PDE4D: variants seen among roughly 807,000 people sequenced by gnomAD.
PDE4D encodes 3',5'-cyclic-AMP phosphodiesterase 4D.
A neutral mutation model predicts 87.4 loss-of-function variants in PDE4D; 24 were observed. That is an observed-to-expected ratio of 0.27 (90% CI 0.20 to 0.39). The LOEUF (loss-of-function observed/expected upper bound fraction) is 0.39. PDE4D is among the 10% of genes least tolerant of loss of function. PDE4D has a pLI of 1.00. For missense variants in PDE4D, 714 were observed against 1,041.0 expected (o/e 0.69, Z 4.32); for synonymous variants, 384 against 383.2 (o/e 1.00, Z -0.02).
In PDE4D at chr5:59,969,317, T is replaced by C. The variant is rs375702483; in HGVS notation, c.272+19171A>G. ...TTACAAAGGAAGACTATCTGAAGAATAGATATTTTATTAGGAGGAAAGATG... is the reference window on the plus strand; with the variant it reads ...TTACAAAGGAAGACTATCTGAAGAACAGATATTTTATTAGGAGGAAAGATG... On this transcript the variant is annotated intron_variant, in intron 3 of 16. Coordinates refer to the PDE4D transcript ENST00000502484. Among the ~76,000 whole-genome samples, 13 of 152,256 alleles carry C rather than the reference T, an allele frequency of 8.5e-5. No homozygotes were observed. In the South Asian group the frequency reaches 1.0e-3, roughly 12 times the overall value.
intron 5 of PDE4D, among the ~76,000 whole-genome samples, chr5:59,101,730 A>G (rs2153433831): frequency 6.6e-6 from 1 of 151,432 alleles, no homozygotes; most frequent in Non-Finnish European, 1.5e-5. Flanking sequence ...TTTTAAGTGC[A>G]TAGCCCTACC....
chr5:59,121,446 T>C (rs1774486107), intron 5 of PDE4D, among the ~76,000 whole-genome samples: 1 of 151,744 alleles, frequency 6.6e-6, no homozygotes, highest in Non-Finnish European at 1.5e-5. Flanking sequence ...TATGAAAAAA[T>C]GCTCAACATC....
At chr5:59,579,592 C>T (rs1289707386) in intron 1 of PDE4D, among the ~76,000 whole-genome samples, 1 of 152,198 alleles carries the variant, frequency 6.6e-6, no homozygotes, top group Non-Finnish European at 1.5e-5. Flanking sequence ...ACCATTTCAT[C>T]TGTCACAAAG....
chr5:59,462,251 T>C (rs1333045888), intron 1 of PDE4D, among the ~76,000 whole-genome samples: 3 of 152,130 alleles, frequency 2.0e-5, no homozygotes, highest in Non-Finnish European at 4.4e-5. Flanking sequence ...CATTATCTTA[T>C]TATATCATCC....
intron 1 of PDE4D, among the ~76,000 whole-genome samples, chr5:59,863,030 A>G (rs1370593760): frequency 6.6e-6 from 1 of 152,242 alleles, no homozygotes; most frequent in African/African-American, 2.4e-5. Context: ...GTAAACTCTT[A>G]TCGTGTTCTT....
At chr5:60,017,692 A>C (rs1257426073) in intron 2 of PDE4D, among the ~76,000 whole-genome samples, 1 of 152,168 alleles carries the variant, frequency 6.6e-6, no homozygotes. Flanking sequence ...TATGCAGTCT[A>C]TCATTGGTGG....
intron 1 of PDE4D, among the ~76,000 whole-genome samples, chr5:59,648,910 G>A (rs1452951380): frequency 1.3e-5 from 2 of 152,162 alleles, no homozygotes; most frequent in African/African-American, 4.8e-5. Flanking sequence ...TAGGCAACAA[G>A]GAAAGAGCTT....
At chr5:60,422,509 C>A (rs1257898152) in intron 1 of PDE4D, among the ~76,000 whole-genome samples, 1 of 152,158 alleles carries the variant, frequency 6.6e-6, no homozygotes, top group Non-Finnish European at 1.5e-5. Flanking sequence ...GATTTTGTCA[C>A]CACAAGGCCT....
chr5:59,731,038 A>G (rs189264691), intron 1 of PDE4D, among the ~76,000 whole-genome samples: 1 of 152,190 alleles, frequency 6.6e-6, no homozygotes, highest in East Asian at 1.9e-4. Context: ...GACACTGCTG[A>G]TTGTATATAC....
intron 5 of PDE4D, among the ~76,000 whole-genome samples, chr5:59,048,307 G>A (rs1392175440): frequency 6.6e-6 from 1 of 152,136 alleles, no homozygotes; most frequent in Admixed American, 6.5e-5. Flanking sequence ...TTTCCCTGGG[G>A]GGACTGTAGG....
At chr5:60,030,388 T>G (rs1293336668) in intron 2 of PDE4D, among the ~76,000 whole-genome samples, 2 of 152,106 alleles carry the variant, frequency 1.3e-5, no homozygotes, top group African/African-American at 4.8e-5. Context: ...AAGCGGAGCT[T>G]GCAGTGAGCC....
At chr5:60,409,764 G>A (rs1212318222) in intron 1 of PDE4D, among the ~76,000 whole-genome samples, 1 of 152,184 alleles carries the variant, frequency 6.6e-6, no homozygotes, top group African/African-American at 2.4e-5. Flanking sequence ...TGTCTGTATT[G>A]CTTTTCACAT....
chr5:59,205,042 C>G (rs758360939), intron 2 of PDE4D, among the ~76,000 whole-genome samples: 1 of 152,318 alleles, frequency 6.6e-6, no homozygotes, highest in Non-Finnish European at 1.5e-5. Flanking sequence ...ACATAAGGAA[C>G]TAGGCCCTGA....
intron 3 of PDE4D, among the ~76,000 whole-genome samples, chr5:59,952,326 C>T (rs930286587): frequency 1.3e-5 from 2 of 152,074 alleles, no homozygotes; most frequent in Non-Finnish European, 2.9e-5. Context: ...CTGACTAATG[C>T]AGCCCCTTTA....
At position 59,688,886 on chromosome 5, in the gene PDE4D, A is replaced by G. The variant is rs559647384; in HGVS notation, c.455+204282T>C. On this transcript the variant is annotated intron_variant, in intron 1 of 14. Transcript: ENST00000340635. The stretch of plus-strand genomic sequence containing the variant: ...GACGCAATAAAAAATGATAAAGGTG[A>G]TATCACCACTGATCCCACAGAAATA... Among the ~76,000 whole-genome samples, 3 of 152,338 alleles carry G rather than the reference A, an allele frequency of 2.0e-5. No homozygotes were observed. The South Asian group carries it at 6.2e-4, about 32-fold the overall frequency.
At chr5:60,417,148 TGAAAA>T (rs1742674076) in intron 1 of PDE4D, among the ~76,000 whole-genome samples, 1 of 152,236 alleles carries the variant, frequency 6.6e-6, no homozygotes, top group African/African-American at 2.4e-5. Flanking sequence ...TGACAGCAAT[TGAAAA>T]GACCACATAA....
chr5:59,891,447 C>G (rs1750939897), intron 1 of PDE4D, among the ~76,000 whole-genome samples: 1 of 152,132 alleles, frequency 6.6e-6, no homozygotes, highest in South Asian at 2.1e-4. Flanking sequence ...TGCCTTCATT[C>G]TATCATTGGG....
intron 1 of PDE4D, among the ~76,000 whole-genome samples, chr5:59,791,764 C>G (rs1170007654): frequency 1.3e-5 from 2 of 152,170 alleles, no homozygotes; most frequent in East Asian, 3.9e-4. Context: ...CAGCCCCGGG[C>G]TTAGAATCCT....
chr5:59,594,423 C>A (rs1047718625), intron 1 of PDE4D, among the ~76,000 whole-genome samples: 2 of 151,878 alleles, frequency 1.3e-5, no homozygotes, highest in African/African-American at 4.8e-5. Context: ...CGGGTTCAAG[C>A]AATTCTCCTG....
Sources: allele counts gnomAD v4.1 joint callset (sites outside exome capture counted in the v4.1 genomes callset), GRCh38; gene constraint gnomAD v4.1.1; transcripts MANE v1.5; gene names NCBI Gene and HGNC (gene_info 2026-07-23, HGNC 2026-07-21).